METTL15: variants seen among roughly 807,000 people sequenced by gnomAD.
METTL15 encodes 12S rRNA N(4)-cytidine methyltransferase METTL15.
A neutral mutation model predicts 38.3 loss-of-function variants in METTL15; 34 were observed. That is an observed-to-expected ratio of 0.89 (90% confidence interval 0.68 to 1.18). The LOEUF (loss-of-function observed/expected upper bound fraction) is 1.18. Among genes scored for constraint, METTL15 ranks in the 50% most tolerant of loss-of-function variants. The pLI, the probability that METTL15 is intolerant of heterozygous loss-of-function variation, is 0.00. For missense variants in METTL15, 438 were observed against 498.4 expected, an observed-to-expected ratio of 0.88 and a Z score of 1.15; for synonymous variants, 162 against 170.9, an observed-to-expected ratio of 0.95 and a Z score of 0.41.
At chr11:28,458,628 CAT>C (rs917958022) in intron 6 of METTL15, among the ~76,000 whole-genome samples, 16 of 152,288 alleles carry the variant, frequency 1.1e-4, no homozygotes, top group Admixed American at 9.8e-4. Flanking sequence ...ACTGCAGAAA[CAT>C]GTGTCACCAT....
intron 6 of METTL15, among the ~76,000 whole-genome samples, chr11:28,300,696 C>T (rs1478629340): frequency 6.6e-6 from 1 of 152,156 alleles, no homozygotes; most frequent in Non-Finnish European, 1.5e-5. Context: ...CATACATATG[C>T]TATTCAGAAC....
intron 3 of METTL15, among the ~76,000 whole-genome samples, chr11:28,170,575 G>A (rs1850820520): frequency 6.6e-6 from 1 of 152,144 alleles, no homozygotes; most frequent in Non-Finnish European, 1.5e-5. Flanking sequence ...AACTAGGGGT[G>A]TATTATGCAT....
intron 6 of METTL15, among the ~76,000 whole-genome samples, chr11:28,427,764 G>C (rs528493821): frequency 7.2e-5 from 11 of 152,190 alleles, no homozygotes; most frequent in Admixed American, 2.0e-4. Flanking sequence ...GAATGCTAGC[G>C]ATTTTCGCAC....
chr11:28,156,812 T>C (rs1850281070), intron 3 of METTL15, among the ~76,000 whole-genome samples: 1 of 152,210 alleles, frequency 6.6e-6, no homozygotes, highest in South Asian at 2.1e-4. Context: ...TTTTATACTT[T>C]GGTAGCTTTA....
intron 6 of METTL15, among the ~76,000 whole-genome samples, chr11:28,435,582 C>G (rs1808356523): frequency 6.6e-6 from 1 of 152,142 alleles, no homozygotes; most frequent in Admixed American, 6.6e-5. Flanking sequence ...TGCTTCCTGC[C>G]TATAGAAAAT....
chr11:28,377,364 A>T (rs1279970740), intron 5 of METTL15, among the ~76,000 whole-genome samples: 1 of 152,032 alleles, frequency 6.6e-6, no homozygotes, highest in Admixed American at 6.5e-5. Flanking sequence ...GTTTCCTTTT[A>T]TTCTTTTTTC....
intron 6 of METTL15, among the ~76,000 whole-genome samples, chr11:28,440,886 A>G (rs1412382340): frequency 1.3e-5 from 2 of 152,154 alleles, no homozygotes; most frequent in South Asian, 2.1e-4. Flanking sequence ...GCACTGTTCA[A>G]TCCCATAGCC....
rs111722427 is a variant in METTL15, at chr11:28,296,126, C to T, written c.600-627C>T. ...CTTGTTCAATACTGCTTATTGATTA[C>T]CAGGTTTTACCATATGGTGTCCTTT... On this transcript the variant is annotated intron_variant, in intron 5 of 6. Transcript: ENST00000407364. 3.3e-5 allele frequency among the ~76,000 whole-genome samples: 5 copies of T among 152,174 alleles called. 1 individual carries two copies. The highest frequency in any genetic ancestry group is 1.2e-4 in the African/African-American group (5 of 41,536).
At chr11:28,335,418 G>A (rs1849892709), downstream of METTL15, among the ~76,000 whole-genome samples, 1 of 152,068 alleles carries the variant, frequency 6.6e-6, no homozygotes, top group Admixed American at 6.6e-5. Context: ...TTTAAGATGT[G>A]GATATTATTG....
At chr11:28,421,759 C>G (rs1185961136) in intron 5 of METTL15, among the ~76,000 whole-genome samples, 1 of 151,906 alleles carries the variant, frequency 6.6e-6, no homozygotes, top group Non-Finnish European at 1.5e-5. Flanking sequence ...AACAGAAACC[C>G]TTTCCTCCAA....
At chr11:28,305,406 T>C (rs185494624) in intron 6 of METTL15, among the ~76,000 whole-genome samples, 49 of 152,282 alleles carry the variant, frequency 3.2e-4, no homozygotes, top group Non-Finnish European at 4.9e-4. Context: ...TTATGTGAAA[T>C]CATTTTCTTG....
intron 3 of METTL15, among the ~76,000 whole-genome samples, chr11:28,175,190 A>G (rs1851018412): frequency 6.6e-6 from 1 of 151,598 alleles, no homozygotes; most frequent in South Asian, 2.1e-4. Flanking sequence ...GAGTGAGAAC[A>G]TGCGGTGTTT....
At chr11:28,374,187 T>A (rs1319764930) in intron 5 of METTL15, among the ~76,000 whole-genome samples, 1 of 152,132 alleles carries the variant, frequency 6.6e-6, no homozygotes, top group Non-Finnish European at 1.5e-5. Context: ...AGTAGTTTTT[T>A]CCAATTCTGT....
chr11:28,149,630 A>C (rs1850010744), intron 3 of METTL15, among the ~76,000 whole-genome samples: 1 of 151,926 alleles, frequency 6.6e-6, no homozygotes, highest in South Asian at 2.1e-4. Context: ...GGGATAGGCA[A>C]GGAGTGGCTG....
intron 6 of METTL15, among the ~76,000 whole-genome samples, chr11:28,493,581 A>G (rs1200285551): frequency 6.6e-6 from 1 of 152,212 alleles, no homozygotes; most frequent in Non-Finnish European, 1.5e-5. Context: ...CCATGTTAGT[A>G]CAGTAAACAC....
chr11:28,486,715 C>T lies in METTL15; in HGVS notation c.*425-39763C>T, dbSNP rs535727614. On this transcript the variant is annotated intron_variant and NMD_transcript_variant, in intron 6 of 7. Coordinates refer to the METTL15 transcript ENST00000532947. ...ACAGAAAGGACTTTTACCTCCTCAA[C>T]TGTCTTCTTCCTAATGTATCTTCAG... is the stretch of plus-strand genomic sequence containing the variant. Among the ~76,000 whole-genome samples the T allele has an allele frequency of 2.0e-3, 307 of 152,334 alleles. 1 individual carries two copies. Among genetic ancestry groups the T allele is most frequent in the African/African-American group, 6.0e-3 (248 of 41,576 alleles).
intron 6 of METTL15, among the ~76,000 whole-genome samples, chr11:28,502,121 A>C (rs1851589536): frequency 6.6e-6 from 1 of 151,870 alleles, no homozygotes; most frequent in African/African-American, 2.4e-5. Flanking sequence ...AAAAGAAAAA[A>C]AAAGCTCTTC....
At chr11:28,224,725 A>G (rs570775848) in intron 4 of METTL15, among the ~76,000 whole-genome samples, 1 of 151,890 alleles carries the variant, frequency 6.6e-6, no homozygotes, top group East Asian at 1.9e-4. Flanking sequence ...ATCTATATTC[A>G]TATTGTTGAT....
At chr11:28,264,076 T>G (rs1174075034) in intron 4 of METTL15, among the ~76,000 whole-genome samples, 1 of 152,124 alleles carries the variant, frequency 6.6e-6, no homozygotes, top group East Asian at 1.9e-4. Context: ...CACAGTTTTA[T>G]GCCTGTCACA....
Sources: gnomAD v4.1 joint callset for allele counts (sites outside exome capture counted in the v4.1 genomes callset) on GRCh38, gnomAD v4.1.1 for gene constraint, MANE v1.5 for transcripts, NCBI Gene and HGNC (gene_info 2026-07-23, HGNC 2026-07-21) for gene names.